TTLL11: variants seen among roughly 807,000 people sequenced by gnomAD.
TTLL11 encodes tubulin tyrosine ligase like 11.
Under a neutral mutation model 51.7 loss-of-function variants are expected in TTLL11, and 42 were observed. The observed-to-expected ratio is 0.81, with a 90% CI of 0.64 to 1.05. The LOEUF (loss-of-function observed/expected upper bound fraction) is 1.05. TTLL11 is among the 50% of genes least tolerant of loss of function. The pLI is 0.00. For synonymous variants in TTLL11, 381 were observed against 383.5 expected (o/e 0.99, Z 0.08); for missense variants, 799 against 940.4 (o/e 0.85, Z 1.97).
intron 8 of TTLL11, among the ~76,000 whole-genome samples, chr9:121,850,820 A>G (rs1048330679): frequency 1.3e-5 from 2 of 152,294 alleles, no homozygotes; most frequent in Admixed American, 1.3e-4. Context: ...TGCACCATAC[A>G]ATCCAACCAT....
At chr9:121,906,610 T>G (rs1448351408) in intron 6 of TTLL11, among the ~76,000 whole-genome samples, 1 of 152,080 alleles carries the variant, frequency 6.6e-6, no homozygotes, top group Admixed American at 6.5e-5. Context: ...TTTTTTAATC[T>G]GCTAGTAAGC....
At chr9:122,054,754 T>C (rs1845247481) in intron 1 of TTLL11, among the ~76,000 whole-genome samples, 1 of 152,204 alleles carries the variant, frequency 6.6e-6, no homozygotes, top group Non-Finnish European at 1.5e-5. Flanking sequence ...TCACAGTTGG[T>C]AAATTATATC....
In TTLL11 at chr9:122,013,503, C is replaced by T. The variant is rs181328493; in HGVS notation, c.693+18220G>A. 2.1e-3 allele frequency among the ~76,000 whole-genome samples: 317 copies of T among 152,288 alleles called. 1 individual carries two copies. The highest frequency in any genetic ancestry group is 0.017 in the Middle Eastern group (5 of 294). On this transcript the variant is annotated intron_variant, in intron 3 of 8. Coordinates refer to ENST00000321582, the MANE Select transcript of TTLL11 (RefSeq NM_001139442.2). ...AGGAAATGGCGGCAAGGGCAACAGTCAAGAAGTGTGAGAACCTTGATAGAT... is the reference window on the plus strand; with the variant it reads ...AGGAAATGGCGGCAAGGGCAACAGTTAAGAAGTGTGAGAACCTTGATAGAT...
At chr9:121,934,645 T>C (rs1841126409) in intron 6 of TTLL11, among the ~76,000 whole-genome samples, 1 of 152,200 alleles carries the variant, frequency 6.6e-6, no homozygotes, top group Admixed American at 6.5e-5. Flanking sequence ...CAATTGTTCT[T>C]TCCATGAAAA....
chr9:122,082,610 T>A (rs1456909139), intron 1 of TTLL11, among the ~76,000 whole-genome samples: 2 of 151,750 alleles, frequency 1.3e-5, no homozygotes, highest in Non-Finnish European at 2.9e-5. Flanking sequence ...TTATGGTATA[T>A]AAAATGGACT....
chr9:121,948,190 T>C (rs183673547), intron 6 of TTLL11, among the ~76,000 whole-genome samples: 277 of 152,296 alleles, frequency 1.8e-3, no homozygotes, highest in African/African-American at 6.3e-3. Flanking sequence ...GAGATGTAGA[T>C]AGCTGAAAGC....
At chr9:121,877,037 A>G (rs1838591201) in intron 6 of TTLL11, among the ~76,000 whole-genome samples, 1 of 152,222 alleles carries the variant, frequency 6.6e-6, no homozygotes, top group African/African-American at 2.4e-5. Flanking sequence ...ACAAAAGGGG[A>G]GAGAACACCC....
intron 6 of TTLL11, among the ~76,000 whole-genome samples, chr9:121,896,851 A>C (rs1839545735): frequency 6.6e-6 from 1 of 152,174 alleles, no homozygotes. Flanking sequence ...TCCCACGCCA[A>C]AAGAAAAACG....
chr9:122,000,036 G>A (rs1320504990), intron 3 of TTLL11, among the ~76,000 whole-genome samples: 1 of 152,148 alleles, frequency 6.6e-6, no homozygotes, highest in Non-Finnish European at 1.5e-5. Context: ...TTTTATTAGA[G>A]GTGTTTGAAC....
intron 3 of TTLL11, among the ~76,000 whole-genome samples, chr9:121,998,277 T>C (rs1302719405): frequency 6.6e-6 from 1 of 152,080 alleles, no homozygotes; most frequent in African/African-American, 2.4e-5. Flanking sequence ...TTTTTTCATT[T>C]TGTTTTGTTT....
intron 3 of TTLL11, among the ~76,000 whole-genome samples, chr9:122,012,189 T>C (rs910717775): frequency 6.6e-6 from 1 of 152,288 alleles, no homozygotes. Flanking sequence ...CCTTTTGAAA[T>C]AGGCATTGAA....
chr9:121,880,646 C>T (rs780045580), intron 6 of TTLL11, among the ~76,000 whole-genome samples: 21 of 152,296 alleles, frequency 1.4e-4, no homozygotes, highest in East Asian at 9.6e-4. Context: ...CTTTTCTAGA[C>T]GGAAAGTTCC....
intron 6 of TTLL11, among the ~76,000 whole-genome samples, chr9:121,973,752 A>T (rs762536753): frequency 2.0e-5 from 3 of 152,186 alleles, no homozygotes; most frequent in Non-Finnish European, 4.4e-5. Context: ...ATAATAATAA[A>T]AAAAAGGAAG....
At position 121,822,373 on chromosome 9, in the gene TTLL11, CAG is replaced by C; in HGVS notation, c.*212_*213del. On this transcript the variant is annotated 3_prime_UTR_variant, in exon 9 of 9. Coordinates refer to ENST00000321582, the MANE Select transcript of TTLL11 (RefSeq NM_001139442.2). The surrounding 1 kb of genome is among the most constrained non-coding windows in gnomAD (Gnocchi z 5.8). The stretch of plus-strand genomic sequence containing the variant: ...TGTCCGATGACTGATGACTCAGAAA[CAG>C]GGTGTATCACCAGGAGGTGTGAGGA... The C allele has an allele frequency of 2.3e-6, 1 of 431,052 alleles. No individual in the cohort carries two copies. The highest frequency in any genetic ancestry group is 4.1e-6 in the Non-Finnish European group (1 of 243,264). 26.7% of individuals were successfully genotyped at this position (431,052 alleles called of 1,614,324 possible).
chr9:121,826,434 C>T (rs1331413589), intron 8 of TTLL11, among the ~76,000 whole-genome samples: 2 of 118,764 alleles, frequency 1.7e-5, no homozygotes, highest in African/African-American at 6.3e-5. Context: ...ATGGGTTTTA[C>T]ATATATATGG....
At chr9:121,932,700 T>C (rs1026891830) in intron 6 of TTLL11, among the ~76,000 whole-genome samples, 10 of 152,074 alleles carry the variant, frequency 6.6e-5, no homozygotes, top group African/African-American at 2.4e-4. Flanking sequence ...CACTTTTTTT[T>C]CAAAGGAAAA....
intron 6 of TTLL11, among the ~76,000 whole-genome samples, chr9:121,891,626 T>C (rs767445406): frequency 4.6e-5 from 7 of 152,238 alleles, no homozygotes; most frequent in Non-Finnish European, 1.0e-4. Flanking sequence ...GTTCACTTTC[T>C]TCTCAGAACT....
At chr9:121,864,506 G>A (rs981696240) in intron 7 of TTLL11, among the ~76,000 whole-genome samples, 2 of 152,192 alleles carry the variant, frequency 1.3e-5, no homozygotes, top group Admixed American at 6.5e-5. Flanking sequence ...TTGAACCTTG[G>A]TTTTGCTGCG....
chr9:122,006,604 A>G (rs879446087), intron 3 of TTLL11, among the ~76,000 whole-genome samples: 2 of 152,218 alleles, frequency 1.3e-5, no homozygotes, highest in Non-Finnish European at 2.9e-5. Context: ...CATTATAGGT[A>G]GTGGTAGCAT....
Sources: gnomAD v4.1 joint callset for allele counts (sites outside exome capture counted in the v4.1 genomes callset) on GRCh38, gnomAD v4.1.1 for gene constraint, Gnocchi (gnomAD v3.1) non-coding constraint, MANE v1.5 for transcripts, NCBI Gene and HGNC (gene_info 2026-07-23, HGNC 2026-07-21) for gene names.